CTNNA2: variants seen among roughly 807,000 people sequenced by gnomAD.
The protein encoded by CTNNA2 is catenin alpha 2, also known as catenin alpha-2.
CTNNA2 carries 42 observed loss-of-function variants against 101.0 expected under a neutral mutation model. The ratio of observed to expected loss-of-function variants is 0.42; its 90% CI spans 0.32 to 0.54. CTNNA2 has a LOEUF of 0.54. Among genes scored for constraint, CTNNA2 ranks in the 20% least tolerant of loss-of-function variants. The pLI, the probability that CTNNA2 is intolerant of heterozygous loss-of-function variation, is 0.14. For synonymous variants in CTNNA2, 450 were observed against 456.4 expected, an observed-to-expected ratio of 0.99 and a Z score of 0.18; for missense variants, 871 against 1,223.1, an observed-to-expected ratio of 0.71 and a Z score of 4.29.
intron 7 of CTNNA2, among the ~76,000 whole-genome samples, chr2:80,057,679 C>T (rs1279561515): frequency 6.6e-6 from 1 of 152,100 alleles, no homozygotes; most frequent in Non-Finnish European, 1.5e-5. Flanking sequence ...TTCTTTTGTC[C>T]CTTGATCATT....
rs377366331 is a variant in CTNNA2, at chr2:80,446,685, C to G, written c.1290+27084C>G. 1.4e-4 allele frequency among the ~76,000 whole-genome samples: 21 copies of G among 152,164 alleles called. No individual in the cohort carries two copies. The East Asian group carries it at 3.3e-3, about 24-fold the overall frequency. On this transcript the variant is annotated intron_variant, in intron 9 of 18. Transcript: ENST00000402739. ...AAAGGATGTCACCCAGACTTAAAACCCTTTTCAACAGGACGTTTCAACAAG... is the reference window on the plus strand; with the variant it reads ...AAAGGATGTCACCCAGACTTAAAACGCTTTTCAACAGGACGTTTCAACAAG...
chr2:79,587,769 G>T (rs181621074), intron 1 of CTNNA2, among the ~76,000 whole-genome samples: 2 of 152,206 alleles, frequency 1.3e-5, no homozygotes, highest in African/African-American at 2.4e-5. Flanking sequence ...CCTCAGCATC[G>T]CCTGGGTTTC....
At chr2:80,288,673 T>C (rs1026243341) in intron 7 of CTNNA2, 4 of 152,066 alleles carry the variant, frequency 2.6e-5, no homozygotes, top group African/African-American at 7.2e-5. Context: ...GACGGTGGAG[T>C]GCTTGGACTA....
chr2:79,361,733 A>T (rs1029497520), intron 3 of CTNNA2, among the ~76,000 whole-genome samples: 2 of 152,184 alleles, frequency 1.3e-5, no homozygotes, highest in Non-Finnish European at 2.9e-5. Flanking sequence ...AGCCAGTCCA[A>T]GTCCCAAAAC....
intron 3 of CTNNA2, among the ~76,000 whole-genome samples, chr2:79,369,190 C>G (rs1034515961): frequency 1.3e-5 from 2 of 152,144 alleles, no homozygotes; most frequent in Non-Finnish European, 2.9e-5. Flanking sequence ...ATCCACTCCT[C>G]TAGTCAGTAG....
At chr2:80,284,150 C>T (rs1161814381) in intron 7 of CTNNA2, among the ~76,000 whole-genome samples, 2 of 152,016 alleles carry the variant, frequency 1.3e-5, no homozygotes, top group African/African-American at 4.8e-5. Context: ...TGTCTTAATA[C>T]AGATTTCATG....
At chr2:79,224,657 C>T (rs1674385988) in intron 2 of CTNNA2, among the ~76,000 whole-genome samples, 1 of 151,994 alleles carries the variant, frequency 6.6e-6, no homozygotes, top group African/African-American at 2.4e-5. Context: ...TTCACACAAA[C>T]ATATACACCT....
intron 7 of CTNNA2, among the ~76,000 whole-genome samples, chr2:79,982,305 AAACATATAT>A (rs1220851249): frequency 7.5e-6 from 1 of 133,676 alleles, no homozygotes; most frequent in East Asian, 2.0e-4. Context: ...AACATATATA[AAACATATAT>A]AACATATATA....
chr2:80,071,396 T>C (rs1698331863), intron 7 of CTNNA2, among the ~76,000 whole-genome samples: 1 of 152,206 alleles, frequency 6.6e-6, no homozygotes, highest in Non-Finnish European at 1.5e-5. Context: ...CTCTAAGTTT[T>C]TACTTTGAAA....
chr2:79,256,279 G>A (rs956544187), intron 2 of CTNNA2, among the ~76,000 whole-genome samples: 1 of 151,956 alleles, frequency 6.6e-6, no homozygotes, highest in East Asian at 1.9e-4. Flanking sequence ...ACCTCACCCC[G>A]ACAACTCCAA....
At chr2:79,970,912 T>C (rs777873349) in intron 7 of CTNNA2, among the ~76,000 whole-genome samples, 4 of 152,106 alleles carry the variant, frequency 2.6e-5, no homozygotes, top group Non-Finnish European at 4.4e-5. Context: ...TTGACAACAT[T>C]ATTTCTTTCC....
intron 7 of CTNNA2, among the ~76,000 whole-genome samples, chr2:80,179,982 T>G (rs527266799): frequency 1.3e-5 from 2 of 152,296 alleles, no homozygotes; most frequent in South Asian, 2.1e-4. Flanking sequence ...CTTCATTAAT[T>G]ACTTGACAAA....
At chr2:80,329,935 C>T (rs1039874931) in intron 7 of CTNNA2, among the ~76,000 whole-genome samples, 1 of 152,230 alleles carries the variant, frequency 6.6e-6, no homozygotes, top group African/African-American at 2.4e-5. Context: ...CATGACCTCC[C>T]ACCTGTTATA....
intron 4 of CTNNA2, among the ~76,000 whole-genome samples, chr2:79,462,116 T>C (rs114232483): frequency 0.021 from 3,162 of 152,248 alleles, 104 homozygotes; most frequent in African/African-American, 0.071. Context: ...CAAACTTTTC[T>C]GTAATGAAAA....
chr2:80,161,229 T>G (rs1445357930), intron 7 of CTNNA2, among the ~76,000 whole-genome samples: 2 of 152,180 alleles, frequency 1.3e-5, no homozygotes, highest in African/African-American at 4.8e-5. Flanking sequence ...TTGGCCAGGC[T>G]AGTCTCAAAC....
At chr2:80,053,082 A>G (rs1173786308) in intron 7 of CTNNA2, among the ~76,000 whole-genome samples, 5 of 152,002 alleles carry the variant, frequency 3.3e-5, no homozygotes, top group Non-Finnish European at 5.9e-5. Flanking sequence ...TAATTTCAGT[A>G]TTTTCTTTAC....
chr2:80,302,731 G>T lies in CTNNA2; in HGVS notation c.1057-90480G>T. 1.9e-6 allele frequency: 3 copies of T among 1,613,018 alleles called. No individual in the cohort carries two copies. Among genetic ancestry groups the T allele is most frequent in the Non-Finnish European group, 2.5e-6 (3 of 1,179,862 alleles). ...CGCTGGTGGGCTCGGCCCCATCCTC[G>T]CACAGGTGGAAGGCGTACACGGCGT... On this transcript the variant is annotated intron_variant, in intron 7 of 18. Coordinates refer to ENST00000402739, the MANE Select transcript of CTNNA2 (RefSeq NM_001282597.3). This position sits in a 1 kb window ranked among gnomAD's most constrained non-coding sequence, Gnocchi z 6.4.
chr2:79,766,773 T>A (rs1329127144), intron 3 of CTNNA2, among the ~76,000 whole-genome samples: 4 of 149,504 alleles, frequency 2.7e-5, no homozygotes, highest in South Asian at 4.2e-4. Context: ...CTTTTTTTTT[T>A]AACACAGAGT....
intron 14 of CTNNA2, among the ~76,000 whole-genome samples, chr2:80,587,080 G>A (rs1010087091): frequency 6.6e-6 from 1 of 152,044 alleles, no homozygotes; most frequent in African/African-American, 2.4e-5. Flanking sequence ...GTGTAGAGTG[G>A]TTAAGAATGA....
Sources: gnomAD v4.1 joint callset for allele counts (sites outside exome capture counted in the v4.1 genomes callset) on GRCh38, gnomAD v4.1.1 for gene constraint, Gnocchi (gnomAD v3.1) non-coding constraint, MANE v1.5 for transcripts, NCBI Gene and HGNC (gene_info 2026-07-23, HGNC 2026-07-21) for gene names.